AKAP19: variants seen among roughly 807,000 people sequenced by gnomAD.
AKAP19 encodes the protein A-kinase anchoring protein 19, also known as small A-kinase anchoring protein.
the AKAP19 span, chr2:189,917,260 G>A: frequency 3.7e-4 from 476 of 1,302,258 alleles, no homozygotes; most frequent in African/African-American, 5.6e-3. Context: ...CACTGTCTTC[G>A]CTGTCTGAGC....
At chr2:190,191,919 A>G in the AKAP19 span, among the ~76,000 whole-genome samples, 4 of 150,284 alleles carry the variant, frequency 2.7e-5, no homozygotes, top group African/African-American at 9.8e-5. Flanking sequence ...TTTTTTTTCA[A>G]TCTTTTAACT....
the AKAP19 span, among the ~76,000 whole-genome samples, chr2:189,967,352 T>C: frequency 2.0e-5 from 3 of 152,174 alleles, no homozygotes; most frequent in Non-Finnish European, 4.4e-5. Flanking sequence ...ATCTACAGTT[T>C]CCCTGAACTT....
chr2:190,112,665 C>T, the AKAP19 span, among the ~76,000 whole-genome samples: 1 of 152,072 alleles, frequency 6.6e-6, no homozygotes, highest in African/African-American at 2.4e-5. Flanking sequence ...TGACTTTCCT[C>T]CTTTAGATCT....
chr2:190,068,603 G>A, the AKAP19 span, among the ~76,000 whole-genome samples: 3 of 152,114 alleles, frequency 2.0e-5, no homozygotes, highest in African/African-American at 7.2e-5. Context: ...CCAAAGTGCT[G>A]GGATTACAGA....
the AKAP19 span, chr2:190,199,683 C>CCTT: frequency 1.4e-6 from 2 of 1,409,652 alleles, no homozygotes; most frequent in Non-Finnish European, 1.8e-6. Context: ...ATGAAACCTA[C>CCTT]CTTCTCTTGA....
the AKAP19 span, among the ~76,000 whole-genome samples, chr2:189,913,654 C>T: frequency 6.6e-6 from 1 of 151,980 alleles, no homozygotes; most frequent in Non-Finnish European, 1.5e-5. Context: ...AAATTGTAAG[C>T]TCAAACTTCA....
At chr2:190,103,274 G>A in the AKAP19 span, among the ~76,000 whole-genome samples, 1 of 152,144 alleles carries the variant, frequency 6.6e-6, no homozygotes, top group Non-Finnish European at 1.5e-5. Flanking sequence ...CCCTTGAGAA[G>A]TGGAACAAGA....
chr2:189,902,992 AG>A, the AKAP19 span, among the ~76,000 whole-genome samples: 1 of 152,028 alleles, frequency 6.6e-6, no homozygotes, highest in Non-Finnish European at 1.5e-5. Context: ...ATGTAGAATG[AG>A]GGAAATAATT....
chr2:189,933,988 CT>C, the AKAP19 span, among the ~76,000 whole-genome samples: 1 of 152,054 alleles, frequency 6.6e-6, no homozygotes, highest in Non-Finnish European at 1.5e-5. Flanking sequence ...GATTACTCAT[CT>C]AAACATTTGC....
At chr2:190,056,562 T>A in the AKAP19 span, 2 of 152,540 alleles carry the variant, frequency 1.3e-5, no homozygotes, top group Non-Finnish European at 2.9e-5. Context: ...TCTTCTTACA[T>A]TAAAGAAAAT....
the AKAP19 span, among the ~76,000 whole-genome samples, chr2:190,014,036 C>CT: frequency 6.6e-6 from 1 of 152,034 alleles, no homozygotes; most frequent in Non-Finnish European, 1.5e-5. Context: ...TTGAGATCGT[C>CT]TTTTTTTATA....
At chr2:190,200,178 G>A in the AKAP19 span, 9 of 1,588,314 alleles carry the variant, frequency 5.7e-6, no homozygotes, top group South Asian at 8.9e-5. Context: ...TTTGACTGTG[G>A]AGGTGCTAGT....
the AKAP19 span, among the ~76,000 whole-genome samples, chr2:189,997,790 T>C: frequency 6.6e-6 from 1 of 152,208 alleles, no homozygotes. Context: ...CAGCAGTTCC[T>C]GTTTGCCCCG....
At chr2:190,069,136 A>ATGTGTG in the AKAP19 span, among the ~76,000 whole-genome samples, 348 of 127,718 alleles carry the variant, frequency 2.7e-3, 2 homozygotes, top group African/African-American at 9.3e-3. Flanking sequence ...GTGCATGCAT[A>ATGTGTG]TGTGTGTGTG....
At chr2:190,168,625 T>G in the AKAP19 span, among the ~76,000 whole-genome samples, 29 of 152,190 alleles carry the variant, frequency 1.9e-4, no homozygotes, top group African/African-American at 6.8e-4. Flanking sequence ...ACCTCTTGAA[T>G]GCTTTGCTGC....
At chr2:189,885,955 C>T in the AKAP19 span, among the ~76,000 whole-genome samples, 1 of 151,964 alleles carries the variant, frequency 6.6e-6, no homozygotes, top group Admixed American at 6.6e-5. Context: ...ATTACAGGTT[C>T]CCACCACCAA....
chr2:189,934,774 T>C, the AKAP19 span, among the ~76,000 whole-genome samples: 1 of 151,764 alleles, frequency 6.6e-6, no homozygotes, highest in Non-Finnish European at 1.5e-5. Context: ...TTATTTTATC[T>C]ATTTTATGTT....
At chr2:189,921,675 G>A in the AKAP19 span, among the ~76,000 whole-genome samples, 1 of 152,178 alleles carries the variant, frequency 6.6e-6, no homozygotes, top group African/African-American at 2.4e-5. Flanking sequence ...TTTCAATAGA[G>A]AGGGAGTACT....
the AKAP19 span, among the ~76,000 whole-genome samples, chr2:189,949,843 G>A: frequency 2.6e-5 from 4 of 151,130 alleles, no homozygotes; most frequent in Non-Finnish European, 5.9e-5. Flanking sequence ...TGTTGTCCAG[G>A]ATGGTGTCAA....
Sources: allele counts gnomAD v4.1 joint callset (sites outside exome capture counted in the v4.1 genomes callset), GRCh38; gene constraint gnomAD v4.1.1; transcripts MANE v1.5; gene names NCBI Gene and HGNC (gene_info 2026-07-23, HGNC 2026-07-21).